Variants in KALRN observed in about 807,000 individuals in gnomAD.
The protein encoded by KALRN is kalirin RhoGEF kinase.
Under a neutral mutation model 353.7 loss-of-function variants are expected in KALRN, and 70 were observed. The ratio of observed to expected loss-of-function variants is 0.20; its 90% confidence interval spans 0.16 to 0.24. The LOEUF (loss-of-function observed/expected upper bound fraction) is 0.24, where lower values mean the gene tolerates loss of function less well. Among genes scored for constraint, KALRN ranks in the 10% least tolerant of loss-of-function variants. The pLI is 1.00. For missense variants in KALRN, 2,791 were observed against 3,756.7 expected (o/e 0.74, Z 6.72); for synonymous variants, 1,391 against 1,434.8 (o/e 0.97, Z 0.69).
At chr3:124,321,487 T>C (rs1271502450) in intron 6 of KALRN, among the ~76,000 whole-genome samples, 1 of 152,162 alleles carries the variant, frequency 6.6e-6, no homozygotes, top group African/African-American at 2.4e-5. Context: ...AGGAATCAGG[T>C]TGGAAGTGGG....
At chr3:124,255,489 A>G (rs1481269392) in intron 3 of KALRN, among the ~76,000 whole-genome samples, 2 of 152,236 alleles carry the variant, frequency 1.3e-5, no homozygotes, top group African/African-American at 2.4e-5. Flanking sequence ...CAATAAATGT[A>G]TGTTGCATGA....
chr3:124,111,934 A>G (rs1269541802), intron 1 of KALRN, among the ~76,000 whole-genome samples: 1 of 152,198 alleles, frequency 6.6e-6, no homozygotes, highest in Non-Finnish European at 1.5e-5. Context: ...TCATGATTCC[A>G]CTGAATGAGC....
rs530538459 is a variant in KALRN at position 124,220,493 on chromosome 3, C to G, written c.74-7497C>G. On this transcript the variant is annotated intron_variant, in intron 1 of 59. Coordinates refer to ENST00000682506, the MANE Select transcript of KALRN (RefSeq NM_001388419.1). ...TTTCTCCCACTCTTGCCACCTCTCT[C>G]TTTTTCTCTTGTGTTAACATAGGAA... 2.0e-3 allele frequency among the ~76,000 whole-genome samples: 298 copies of G among 152,106 alleles called. 2 individuals carry two copies. The highest frequency in any genetic ancestry group is 4.1e-4 in the Non-Finnish European group (28 of 67,996).
At chr3:124,398,356 T>C (rs1010570526) in intron 12 of KALRN, among the ~76,000 whole-genome samples, 1 of 152,224 alleles carries the variant, frequency 6.6e-6, no homozygotes, top group African/African-American at 2.4e-5. Flanking sequence ...AGACTACATA[T>C]ATGTGTGGAA....
At chr3:124,148,481 T>C (rs982248360) in intron 1 of KALRN, among the ~76,000 whole-genome samples, 2 of 152,204 alleles carry the variant, frequency 1.3e-5, no homozygotes, top group Non-Finnish European at 2.9e-5. Flanking sequence ...CTGTGTAACC[T>C]GTGGAATTTG....
At chr3:124,283,851 C>A (rs1051099241) in intron 5 of KALRN, among the ~76,000 whole-genome samples, 3 of 152,136 alleles carry the variant, frequency 2.0e-5, no homozygotes, top group African/African-American at 7.2e-5. Context: ...TGAAGTTTCG[C>A]AGTCTTAGTT....
chr3:124,329,897 A>G lies in KALRN; in HGVS notation c.1321A>G (p.Ser441Gly). The change falls in exon 8 of 60, where the codon AGT becomes GGT. Residue 441 changes from serine (S) to glycine (G), a missense_variant. Coordinates refer to ENST00000682506, the MANE Select transcript of KALRN (RefSeq NM_001388419.1). ...SGVDAWCKMCSEGGLPSEMQD... is the reference protein window; with the variant it reads ...SGVDAWCKMCGEGGLPSEMQD... ...AGTGGATGCCTGGTGCAAGATGTGCAGTGAAGGTGGTCTGCCATCCGAGAT... is the reference window on the plus strand; with the variant it reads ...AGTGGATGCCTGGTGCAAGATGTGCGGTGAAGGTGGTCTGCCATCCGAGAT... 1 of 1,613,848 alleles carries G rather than the reference A, an allele frequency of 6.2e-7. No homozygotes were observed. Among genetic ancestry groups the G allele is most frequent in the Non-Finnish European group, 8.5e-7 (1 of 1,179,900 alleles).
chr3:124,214,474 A>G (rs757768027), intron 1 of KALRN, among the ~76,000 whole-genome samples: 4 of 152,190 alleles, frequency 2.6e-5, no homozygotes, highest in Non-Finnish European at 4.4e-5. Flanking sequence ...ATGCACATTT[A>G]TCCATGGACA....
intron 34 of KALRN, among the ~76,000 whole-genome samples, chr3:124,571,696 A>G (rs1421209695): frequency 6.6e-6 from 1 of 150,754 alleles, no homozygotes; most frequent in African/African-American, 2.4e-5. Context: ...TTTTTTTTCT[A>G]TTTTTTATTT....
chr3:124,205,368 GA>G (rs1210864450), intron 1 of KALRN, among the ~76,000 whole-genome samples: 1 of 152,192 alleles, frequency 6.6e-6, no homozygotes, highest in Non-Finnish European at 1.5e-5. Flanking sequence ...AATCAGGTGT[GA>G]TATTTTACAC....
intron 1 of KALRN, among the ~76,000 whole-genome samples, chr3:124,156,441 GCT>G (rs1426324669): frequency 6.6e-6 from 1 of 152,104 alleles, no homozygotes; most frequent in East Asian, 1.9e-4. Flanking sequence ...CTTTATTAAT[GCT>G]TGATCACCTG....
chr3:124,672,040 C>G (rs2086528925), intron 48 of KALRN, 142 bp downstream of exon 48: 9 of 705,956 alleles, frequency 1.3e-5, no homozygotes, highest in Non-Finnish European at 2.3e-5. Flanking sequence ...CCTCCGCCTC[C>G]CAGGTTCAAG....
intron 33 of KALRN, chr3:124,562,611 A>C: frequency 2.9e-6 from 1 of 339,610 alleles, no homozygotes; most frequent in South Asian, 2.3e-5. Context: ...GTGATTGAAT[A>C]GCACTGTGCT....
At chr3:124,529,286 A>T (rs1449540344) in intron 33 of KALRN, among the ~76,000 whole-genome samples, 1 of 152,110 alleles carries the variant, frequency 6.6e-6, no homozygotes, top group Non-Finnish European at 1.5e-5. Flanking sequence ...AGAGAGAAAA[A>T]CTTCCCATCT....
intron 15 of KALRN, among the ~76,000 whole-genome samples, chr3:124,423,234 G>T (rs1396761375): frequency 6.6e-6 from 1 of 152,212 alleles, no homozygotes; most frequent in Non-Finnish European, 1.5e-5. Context: ...CCATTCCAGA[G>T]TTGTCTCAGT....
chr3:124,575,575 T>C (rs763394667), intron 34 of KALRN, among the ~76,000 whole-genome samples: 17 of 152,214 alleles, frequency 1.1e-4, no homozygotes, highest in Non-Finnish European at 2.2e-4. Context: ...GTTCTGTGGG[T>C]TGGAAATGCA....
intron 33 of KALRN, among the ~76,000 whole-genome samples, chr3:124,554,283 A>T (rs2070932363): frequency 6.6e-6 from 1 of 152,168 alleles, no homozygotes; most frequent in East Asian, 1.9e-4. Flanking sequence ...TTGACCTGGG[A>T]GGTGGAGGTT....
At chr3:124,601,098 A>C (rs933076678) in intron 34 of KALRN, among the ~76,000 whole-genome samples, 1 of 152,216 alleles carries the variant, frequency 6.6e-6, no homozygotes, top group Non-Finnish European at 1.5e-5. Context: ...GTTAGAGCTT[A>C]CTACATGTAT....
At chr3:124,079,773 T>A (rs1234029245) in intron 1 of KALRN, among the ~76,000 whole-genome samples, 1 of 152,250 alleles carries the variant, frequency 6.6e-6, no homozygotes, top group Non-Finnish European at 1.5e-5. Context: ...TTCATTCTTG[T>A]TAGTTAGAAT....
Sources: allele counts gnomAD v4.1 joint callset (sites outside exome capture counted in the v4.1 genomes callset), GRCh38; gene constraint gnomAD v4.1.1; transcripts MANE v1.5; gene names NCBI Gene and HGNC (gene_info 2026-07-23, HGNC 2026-07-21).